The following CDH23 variants were observed in gnomAD, a reference collection of about 807,000 sequenced individuals.
CDH23 encodes cadherin-23.
Under a neutral mutation model 317.1 loss-of-function variants are expected in CDH23, and 189 were observed. That is an observed-to-expected ratio of 0.60 (90% confidence interval 0.53 to 0.67). The LOEUF (loss-of-function observed/expected upper bound fraction) is 0.67. Among genes scored for constraint, CDH23 ranks in the 30% least tolerant of loss-of-function variants. The pLI is 0.00. For synonymous variants in CDH23, 1,839 were observed against 1,876.8 expected (o/e 0.98, Z 0.52); for missense variants, 4,401 against 4,592.4 (o/e 0.96, Z 1.20).
At chr10:71,645,610 GA>G (rs1564706653) in intron 12 of CDH23, 13 of 739,380 alleles carry the variant, frequency 1.8e-5, no homozygotes, top group Non-Finnish European at 3.0e-5. Context: ...CACAAGGAAG[GA>G]AAAGAGAGCC....
At chr10:71,451,967 G>A (rs571272655) in intron 3 of CDH23, among the ~76,000 whole-genome samples, 3 of 152,358 alleles carry the variant, frequency 2.0e-5, no homozygotes, top group South Asian at 2.1e-4. Context: ...TCGGGAGCGA[G>A]GTGTTGGTGG....
chr10:71,807,889 G>C lies in CDH23; in HGVS notation c.8604G>C (p.Val2868=). 1 of 1,603,842 alleles carries C rather than the reference G, an allele frequency of 6.2e-7. No individual in the cohort carries two copies. Among genetic ancestry groups the C allele is most frequent in the South Asian group, 1.1e-5 (1 of 89,148 alleles). ...DAKVGSELIQ[V]LALDADIGNN... is the part of the protein sequence containing the mutation. ...AGGTGGGCTCAGAGTTGATCCAGGT[G>C]CTGGCCCTGGATGCAGACATTGGCA... Residue 2868 remains valine, a synonymous_variant, in exon 60 of 70, where the codon GTG becomes GTC. Transcript: ENST00000224721.
At position 71,779,243 on chromosome 10, in the gene CDH23, G is replaced by A. The variant is rs751838919; in HGVS notation, c.5188-24G>A. ...ACAAAGCTGGCTGGGGTGAGGCCTTGGCTAAGCTTTTCCACCATCTCAGGT... is the reference window on the plus strand; with the variant it reads ...ACAAAGCTGGCTGGGGTGAGGCCTTAGCTAAGCTTTTCCACCATCTCAGGT... On this transcript the variant is annotated intron_variant, in intron 40 of 69. Coordinates refer to ENST00000224721, the MANE Select transcript of CDH23 (RefSeq NM_022124.6). 7 of 1,613,272 alleles carry A rather than the reference G, an allele frequency of 4.3e-6. No homozygotes were observed. The East Asian group carries it at 1.6e-4, about 36-fold the overall frequency.
Position 71,617,285 on chromosome 10 carries a change from T to C in CDH23, c.1026T>C (p.Asn342=). The stretch of plus-strand genomic sequence containing the variant: ...TCAATATCCTGGTTATTGACATCAA[T>C]GACAATGCCCCGGAGTTCAACAGCT... ...TTFNILVIDI[N]DNAPEFNSSE... Residue 342 remains asparagine (N), a synonymous_variant, in exon 11 of 70, where the codon AAT becomes AAC. Transcript: ENST00000224721. The C allele has an allele frequency of 6.2e-7, 1 of 1,614,014 alleles. No homozygotes were observed. The highest frequency in any genetic ancestry group is 8.5e-7 in the Non-Finnish European group (1 of 1,179,900).
intron 1 of CDH23, among the ~76,000 whole-genome samples, chr10:71,434,108 G>C (rs1204142873): frequency 6.6e-6 from 1 of 151,990 alleles, no homozygotes; most frequent in African/African-American, 2.4e-5. Flanking sequence ...CACTAGGCAT[G>C]CTCTTGCCTC....
intron 3 of CDH23, among the ~76,000 whole-genome samples, chr10:71,496,119 A>C (rs940220808): frequency 6.6e-6 from 1 of 152,242 alleles, no homozygotes; most frequent in African/African-American, 2.4e-5. Flanking sequence ...TTGAGGATTT[A>C]TATCAGAATA....
chr10:71,613,032 A>G (rs1445135296), intron 9 of CDH23, among the ~76,000 whole-genome samples: 1 of 152,148 alleles, frequency 6.6e-6, no homozygotes, highest in East Asian at 1.9e-4. Context: ...TATTTTTAGT[A>G]GAGATGGGGT....
intron 3 of CDH23, 22 bp downstream of exon 3, chr10:71,446,417 T>G: frequency 6.2e-7 from 1 of 1,612,374 alleles, no homozygotes; most frequent in Non-Finnish European, 8.5e-7. Flanking sequence ...CATGGGCTGG[T>G]GGGCGTGCAG....
At chr10:71,510,928 C>G in intron 4 of CDH23, 26 bp from the exon 5 acceptor site, 2 of 1,613,704 alleles carry the variant, frequency 1.2e-6, no homozygotes, top group Admixed American at 1.7e-5. Context: ...CTAACTGCCC[C>G]CCTCCCTCTC....
At chr10:71,746,929 C>G (rs1839865159) in intron 38 of CDH23, among the ~76,000 whole-genome samples, 1 of 152,190 alleles carries the variant, frequency 6.6e-6, no homozygotes, top group African/African-American at 2.4e-5. Context: ...CAGTACACCT[C>G]ATGTCTTTAG....
At chr10:71,555,073 A>G (rs1246549675) in intron 6 of CDH23, among the ~76,000 whole-genome samples, 1 of 152,202 alleles carries the variant, frequency 6.6e-6, no homozygotes, top group Non-Finnish European at 1.5e-5. Context: ...CGGGGGTATG[A>G]GGCTTCCAGC....
At chr10:71,736,860 A>ACCTATAAT (rs1839581266) in intron 34 of CDH23, among the ~76,000 whole-genome samples, 1 of 152,234 alleles carries the variant, frequency 6.6e-6, no homozygotes, top group African/African-American at 2.4e-5. Context: ...CCCTGAGAGA[A>ACCTATAAT]AGCCTATAAT....
At chr10:71,608,536 C>T (rs142690639) in intron 9 of CDH23, among the ~76,000 whole-genome samples, 1 of 152,336 alleles carries the variant, frequency 6.6e-6, no homozygotes, top group African/African-American at 2.4e-5. Context: ...TATGCCGCTG[C>T]CTCTTACATA....
chr10:71,665,562 C>G (rs1009650511), intron 14 of CDH23, among the ~76,000 whole-genome samples: 2 of 152,222 alleles, frequency 1.3e-5, no homozygotes, highest in African/African-American at 2.4e-5. Flanking sequence ...GCTGCAGCCG[C>G]TTGGCCTGTT....
intron 6 of CDH23, among the ~76,000 whole-genome samples, chr10:71,561,506 T>C (rs1163559392): frequency 6.6e-6 from 1 of 152,194 alleles, no homozygotes; most frequent in African/African-American, 2.4e-5. Flanking sequence ...TTTATCATTA[T>C]TATTAACAAA....
intron 6 of CDH23, among the ~76,000 whole-genome samples, chr10:71,526,803 AAT>A (rs1190860017): frequency 6.6e-6 from 1 of 152,180 alleles, no homozygotes; most frequent in East Asian, 1.9e-4. Context: ...CTCTTTTAAA[AAT>A]GAGGAAGCTG....
At chr10:71,623,919 C>T (rs1220588141) in intron 11 of CDH23, among the ~76,000 whole-genome samples, 2 of 152,170 alleles carry the variant, frequency 1.3e-5, no homozygotes, top group East Asian at 3.8e-4. Flanking sequence ...GAGAGAGCGC[C>T]CAAGCCAGGT....
At chr10:71,641,418 C>T (rs1201486380) in intron 11 of CDH23, among the ~76,000 whole-genome samples, 1 of 152,210 alleles carries the variant, frequency 6.6e-6, no homozygotes, top group African/African-American at 2.4e-5. Flanking sequence ...CCGTCTCGCT[C>T]ATGGAAATAA....
rs190707741 is a variant in CDH23 at position 71,651,748 on chromosome 10, G to A, written c.1449+5131G>A. Among the ~76,000 whole-genome samples the A allele has an allele frequency of 6.2e-3, 941 of 152,272 alleles. 8 individuals are homozygous for A. Among genetic ancestry groups the A allele is most frequent in the Admixed American group, 0.011 (162 of 15,298 alleles). The stretch of plus-strand genomic sequence containing the variant: ...TTTGGGATGCTGTTCTGATAGTGGG[G>A]AAGGCCTATATCAAACCATCCATAC... On this transcript the variant is annotated intron_variant, in intron 14 of 69. Transcript: ENST00000224721.
Sources: allele counts gnomAD v4.1 joint callset (sites outside exome capture counted in the v4.1 genomes callset), GRCh38; gene constraint gnomAD v4.1.1; transcripts MANE v1.5; gene names NCBI Gene and HGNC (gene_info 2026-07-23, HGNC 2026-07-21).